TM9SF3: variants seen among roughly 807,000 people sequenced by gnomAD.
The protein encoded by TM9SF3 is transmembrane 9 superfamily member 3.
A neutral mutation model predicts 78.6 loss-of-function variants in TM9SF3; 14 were observed. That is an observed-to-expected ratio of 0.18 (90% CI 0.12 to 0.28). The LOEUF (loss-of-function observed/expected upper bound fraction) is 0.28, where lower values mean the gene tolerates loss of function less well. Ranked by LOEUF, TM9SF3 falls within the 10% of genes least tolerant of loss-of-function variation. The pLI is 1.00. For synonymous variants in TM9SF3, 231 were observed against 241.7 expected (o/e 0.96, Z 0.41); for missense variants, 496 against 721.9 (o/e 0.69, Z 3.59).
At chr10:96,539,461 T>A (rs763307644) in intron 9 of TM9SF3, among the ~76,000 whole-genome samples, 1 of 152,206 alleles carries the variant, frequency 6.6e-6, no homozygotes, top group Non-Finnish European at 1.5e-5. Context: ...TAAAGGAAAT[T>A]CGGTAATGAA....
At chr10:96,582,495 C>T (rs76855796) in intron 1 of TM9SF3, among the ~76,000 whole-genome samples, 69 of 152,270 alleles carry the variant, frequency 4.5e-4, no homozygotes, top group African/African-American at 1.6e-3. Context: ...TAGATGCTTC[C>T]AAGTGCTTTG....
Position 96,520,647 on chromosome 10 carries a change from G to A in TM9SF3, c.*1616C>T, listed in dbSNP as rs531534995. ...CTAGGAAAACTTCATATTATGAATA[G>A]TTCCAGAAAAATGTATTCAAATCAC... On this transcript the variant is annotated 3_prime_UTR_variant, in exon 15 of 15. Transcript: ENST00000371142. 8.0e-6 allele frequency: 3 copies of A among 373,584 alleles called. No homozygotes were observed. Among genetic ancestry groups the A allele is most frequent in the East Asian group, 7.5e-5 (2 of 26,642 alleles). The allele number at this position is 373,584 out of a possible 1,614,324, so 23.1% of individuals were successfully genotyped here.
intron 2 of TM9SF3, among the ~76,000 whole-genome samples, chr10:96,566,899 G>A (rs1412281315): frequency 6.6e-6 from 1 of 152,142 alleles, no homozygotes; most frequent in Non-Finnish European, 1.5e-5. Flanking sequence ...ACCAAAGGAA[G>A]GTCCAGGCTT....
intron 5 of TM9SF3, among the ~76,000 whole-genome samples, chr10:96,553,291 A>G (rs1848195660): frequency 6.6e-6 from 1 of 152,218 alleles, no homozygotes; most frequent in South Asian, 2.1e-4. Context: ...TCATTTATAT[A>G]AATTTTCAAA....
Position 96,522,195 on chromosome 10 carries a change from T to C in TM9SF3, c.*68A>G, listed in dbSNP as rs1447531624. ...CCAAATCTCTTCTTGCGTTTGTTTGTTTTTGCTGTGCAAGTTCCACCCCTA... is the reference window on the plus strand; with the variant it reads ...CCAAATCTCTTCTTGCGTTTGTTTGCTTTTGCTGTGCAAGTTCCACCCCTA... On this transcript the variant is annotated 3_prime_UTR_variant, in exon 15 of 15. Transcript: ENST00000371142. 2.2e-6 allele frequency: 3 copies of C among 1,366,974 alleles called. No homozygotes were observed. The highest frequency in any genetic ancestry group is 3.0e-5 in the African/African-American group (2 of 67,268). The allele number at this position is 1,366,974 out of a possible 1,614,324, so 84.7% of individuals were successfully genotyped here. A position where few individuals can be genotyped will look rare whatever the true frequency, so the allele number is the denominator to read the frequency against.
chr10:96,584,164 A>G (rs1848605206), intron 1 of TM9SF3, among the ~76,000 whole-genome samples: 1 of 152,242 alleles, frequency 6.6e-6, no homozygotes, highest in Non-Finnish European at 1.5e-5. Context: ...AGCTTCTAAA[A>G]GTTATTGTTT....
intron 1 of TM9SF3, among the ~76,000 whole-genome samples, chr10:96,583,471 T>C (rs1167141349): frequency 6.6e-6 from 1 of 152,210 alleles, no homozygotes; most frequent in African/African-American, 2.4e-5. Context: ...TTTAAGCACT[T>C]AAAAATCAAT....
chr10:96,553,309 T>C (rs1848196020), intron 5 of TM9SF3, among the ~76,000 whole-genome samples: 1 of 152,190 alleles, frequency 6.6e-6, no homozygotes, highest in South Asian at 2.1e-4. Context: ...AAAATCAAAT[T>C]TATTGTTAAA....
At position 96,560,493 on chromosome 10, in the gene TM9SF3, T is replaced by C. The variant is rs1406366520; in HGVS notation, c.583-757A>G. 69 of 751,348 alleles carry C rather than the reference T, an allele frequency of 9.2e-5. 2 individuals carry two copies. Among genetic ancestry groups the C allele is most frequent in the South Asian group, 9.0e-4 (67 of 74,788 alleles). The allele number at this position is 751,348 out of a possible 1,614,324, so 46.5% of individuals were successfully genotyped here. On this transcript the variant is annotated intron_variant, in intron 4 of 14. Transcript: ENST00000371142. ...ACCACCAGTGCTTTTATGGTTGAAGTGTGGTTCAGGGCCAGTGTATATTAG... is the reference window on the plus strand; with the variant it reads ...ACCACCAGTGCTTTTATGGTTGAAGCGTGGTTCAGGGCCAGTGTATATTAG...
At chr10:96,571,397 G>A (rs1183193349) in intron 2 of TM9SF3, among the ~76,000 whole-genome samples, 2 of 152,154 alleles carry the variant, frequency 1.3e-5, no homozygotes, top group Admixed American at 6.5e-5. Context: ...AACCAGAGGG[G>A]CTCCAGAATC....
chr10:96,563,596 T>A (rs927136383), intron 3 of TM9SF3, among the ~76,000 whole-genome samples: 20 of 152,174 alleles, frequency 1.3e-4, no homozygotes, highest in African/African-American at 3.9e-4. Context: ...CATGGTGGTC[T>A]CGAACTCCTG....
Position 96,586,897 on chromosome 10 carries a change from C to A in TM9SF3, c.-62G>T. On this transcript the variant is annotated 5_prime_UTR_variant, in exon 1 of 15. An upstream open reading frame in the 5' UTR gains an earlier in-frame stop. Transcript: ENST00000371142. ...CTCCTCCTCCCGCCGCCGCCTCCTC[C>A]GCCGCCGCCGCCTCCGCCGCGGCCG... 9.0e-7 allele frequency: 1 copy of A among 1,116,486 alleles called. No homozygotes were observed. The highest frequency in any genetic ancestry group is 1.1e-6 in the Non-Finnish European group (1 of 903,770). The allele number at this position is 1,116,486 out of a possible 1,614,324, so 69.2% of individuals were successfully genotyped here.
At chr10:96,573,396 A>G (rs1848460733) in intron 2 of TM9SF3, among the ~76,000 whole-genome samples, 1 of 152,204 alleles carries the variant, frequency 6.6e-6, no homozygotes, top group African/African-American at 2.4e-5. Context: ...GCAAGCAAAG[A>G]GCTACAGTAG....
chr10:96,560,084 C>A, intron 4 of TM9SF3: 1 of 601,180 alleles, frequency 1.7e-6, no homozygotes. Flanking sequence ...AGAATCTGTA[C>A]ATCTGCCTGG....
At chr10:96,536,248 A>C (rs1211726826) in intron 9 of TM9SF3, among the ~76,000 whole-genome samples, 1 of 152,140 alleles carries the variant, frequency 6.6e-6, no homozygotes, top group Non-Finnish European at 1.5e-5. Flanking sequence ...CAAGATTGGG[A>C]ACAAAGAAAG....
At chr10:96,550,473 C>G (rs1848154497) in intron 7 of TM9SF3, among the ~76,000 whole-genome samples, 1 of 152,038 alleles carries the variant, frequency 6.6e-6, no homozygotes, top group South Asian at 2.1e-4. Flanking sequence ...TGAAATATAA[C>G]TAGAGAAAAG....
chr10:96,519,063 G>A lies in TM9SF3; in HGVS notation c.*3200C>T, dbSNP rs1224762791. The A allele has an allele frequency of 1.3e-5, 2 of 151,828 alleles. No homozygotes were observed. The highest frequency in any genetic ancestry group is 2.4e-5 in the African/African-American group (1 of 41,352). The allele number at this position is 151,828 out of a possible 1,614,324, so 9.4% of individuals were successfully genotyped here. On this transcript the variant is annotated 3_prime_UTR_variant, in exon 15 of 15. Coordinates refer to ENST00000371142, the MANE Select transcript of TM9SF3 (RefSeq NM_020123.4). Reference sequence around the variant, plus strand: ...CAGAATTCATATACAAAAGCCCTTCGGTATGTAGCTTTTCCTGAACAAATA... The same window carrying A: ...CAGAATTCATATACAAAAGCCCTTCAGTATGTAGCTTTTCCTGAACAAATA...
rs1847753709 is a variant in TM9SF3 at position 96,520,571 on chromosome 10, T to C, written c.*1692A>G. 3.5e-6 allele frequency: 1 copy of C among 282,152 alleles called. No homozygotes were observed. Among genetic ancestry groups the C allele is most frequent in the Non-Finnish European group, 6.5e-6 (1 of 153,098 alleles). The allele number at this position is 282,152 out of a possible 1,614,324, so 17.5% of individuals were successfully genotyped here. On this transcript the variant is annotated 3_prime_UTR_variant, in exon 15 of 15. Transcript: ENST00000371142. Reference sequence around the variant, plus strand: ...CTAAAAATAACAATATAAAGTATTGTTTTAGGTGGTCATTTGCATAGCAAA... The same window carrying C: ...CTAAAAATAACAATATAAAGTATTGCTTTAGGTGGTCATTTGCATAGCAAA...
rs750861778 is a variant in TM9SF3, at chr10:96,552,911, T to C, written c.792+17A>G. On this transcript the variant is annotated intron_variant, in intron 6 of 14. Coordinates refer to ENST00000371142, the MANE Select transcript of TM9SF3 (RefSeq NM_020123.4). ...AGTTAAAATGTTTCTACAAATATAA[T>C]GTAAATGTTTACTCACCATATCATC... The C allele has an allele frequency of 7.2e-6, 11 of 1,517,934 alleles. No homozygotes were observed. The highest frequency in any genetic ancestry group is 2.4e-5 in the East Asian group (1 of 40,820). The allele number at this position is 1,517,934 out of a possible 1,614,324, so 94.0% of individuals were successfully genotyped here.
Sources: gnomAD v4.1 joint callset for allele counts (sites outside exome capture counted in the v4.1 genomes callset) on GRCh38, gnomAD v4.1.1 for gene constraint, MANE v1.5 for transcripts, NCBI Gene and HGNC (gene_info 2026-07-23, HGNC 2026-07-21) for gene names.